Variants in DPF3 observed in about 807,000 individuals in gnomAD.
DPF3 encodes zinc finger protein DPF3.
A neutral mutation model predicts 56.8 loss-of-function variants in DPF3; 18 were observed. That is an observed-to-expected ratio of 0.32 (90% confidence interval 0.22 to 0.47). The LOEUF (loss-of-function observed/expected upper bound fraction) is 0.47. Ranked by LOEUF, DPF3 falls within the 20% of genes least tolerant of loss-of-function variation. The probability of loss-of-function intolerance (pLI) is 1.00; values close to 1 mark genes in which losing one functional copy is unlikely to be tolerated. For synonymous variants in DPF3, 188 were observed against 180.2 expected (o/e 1.04, Z -0.35); for missense variants, 403 against 488.8 (o/e 0.82, Z 1.65).
At chr14:72,807,567 AGTT>A (rs1882838838) in intron 1 of DPF3, among the ~76,000 whole-genome samples, 1 of 152,210 alleles carries the variant, frequency 6.6e-6, no homozygotes, top group East Asian at 1.9e-4. Flanking sequence ...AGCTGGGTAC[AGTT>A]GGCTCACGCC....
intron 1 of DPF3, among the ~76,000 whole-genome samples, chr14:72,792,918 C>A: frequency 8.6e-6 from 1 of 116,832 alleles, no homozygotes; most frequent in Admixed American, 8.6e-5. Context: ...GACCGTTCTT[C>A]AAAATAATAA....
At chr14:72,756,933 G>GAAAGAAAGAAAGAAAGAAAGAAAGAA (rs1567223087) in intron 2 of DPF3, among the ~76,000 whole-genome samples, 3 of 39,252 alleles carry the variant, frequency 7.6e-5, no homozygotes, top group South Asian at 9.5e-4. Context: ...AAAGAAAGAA[G>GAAAGAAAGAAAGAAAGAAAGAAAGAA]AGAAGAGAAG....
intron 1 of DPF3, among the ~76,000 whole-genome samples, chr14:72,824,561 TTTTGTTTG>T (rs1555510675): frequency 6.6e-6 from 1 of 151,384 alleles, no homozygotes; most frequent in African/African-American, 2.4e-5. Flanking sequence ...CTTTTTTTTT[TTTTGTTTG>T]TTTGTTTGTT....
chr14:72,651,641 T>C lies in DPF3; in HGVS notation c.872-21905A>G, dbSNP rs994928267. On this transcript the variant is annotated intron_variant, in intron 8 of 10. Coordinates refer to ENST00000556509, the MANE Select transcript of DPF3 (RefSeq NM_001280542.3). ...AGGTTGTATTCGTTATTTGCAAAGA[T>C]GGAGGTGGAATCTCCTTTGAAGTAG... Among the ~76,000 whole-genome samples the C allele has an allele frequency of 3.9e-5, 6 of 152,216 alleles. 1 individual carries two copies. The highest frequency in any genetic ancestry group is 7.2e-5 in the African/African-American group (3 of 41,460).
intron 1 of DPF3, among the ~76,000 whole-genome samples, chr14:72,876,794 C>A (rs1273212054): frequency 6.6e-6 from 1 of 152,248 alleles, no homozygotes; most frequent in Non-Finnish European, 1.5e-5. Flanking sequence ...GAACTGCTGT[C>A]TGTCTTCCAA....
chr14:72,869,877 CT>C (rs900182533), intron 1 of DPF3, among the ~76,000 whole-genome samples: 16 of 151,890 alleles, frequency 1.1e-4, no homozygotes, highest in South Asian at 6.2e-4. Context: ...TTTGAGCTTG[CT>C]TTTTTTTCCC....
rs145297022 is a variant in DPF3, at chr14:72,647,715, T to C, written c.872-17979A>G. Among the ~76,000 whole-genome samples the C allele has an allele frequency of 1.5e-3, 231 of 152,342 alleles. 1 individual carries two copies. The highest frequency in any genetic ancestry group is 5.1e-3 in the African/African-American group (212 of 41,580). Reference sequence around the variant, plus strand: ...TAGATTGCACCTATTAAATGATGACTGGATTCAACAGCCCTAGAACAAGCA... The same window carrying C: ...TAGATTGCACCTATTAAATGATGACCGGATTCAACAGCCCTAGAACAAGCA... On this transcript the variant is annotated intron_variant, in intron 8 of 10. Transcript: ENST00000556509.
chr14:72,665,697 G>A (rs1411623664), intron 8 of DPF3, among the ~76,000 whole-genome samples: 1 of 152,208 alleles, frequency 6.6e-6, no homozygotes, highest in Non-Finnish European at 1.5e-5. Context: ...CAACCTGTGA[G>A]CCCAGACTGG....
chr14:72,761,814 G>C (rs1376942566), intron 2 of DPF3, among the ~76,000 whole-genome samples: 1 of 151,766 alleles, frequency 6.6e-6, no homozygotes, highest in Non-Finnish European at 1.5e-5. Flanking sequence ...TAAACCTCTA[G>C]TCAGAATGAT....
chr14:72,815,862 C>T (rs1296513330), intron 1 of DPF3, among the ~76,000 whole-genome samples: 1 of 152,170 alleles, frequency 6.6e-6, no homozygotes, highest in Non-Finnish European at 1.5e-5. Flanking sequence ...ACCCATGGCC[C>T]CTTCCTCCAA....
chr14:72,893,434 C>G (rs1886855857), intron 1 of DPF3, among the ~76,000 whole-genome samples: 1 of 152,138 alleles, frequency 6.6e-6, no homozygotes, highest in Non-Finnish European at 1.5e-5. Context: ...CCGGGGCGAC[C>G]ACCTGGGCCC....
At position 72,629,636 on chromosome 14, in the gene DPF3, G is replaced by A; in HGVS notation, c.972C>T (p.Thr324=). 1 of 1,535,886 alleles carries A rather than the reference G, an allele frequency of 6.5e-7. No individual in the cohort carries two copies. Among genetic ancestry groups the A allele is most frequent in the South Asian group, 1.2e-5 (1 of 84,058 alleles). ...IECKSCILCG[T]SENDDQLLFC... is the part of the protein sequence containing the mutation. ...GCCCCAAACTCACATCATTCTCTGA[G>A]GTCCCACAGAGGATACAGGATTTGC... The change falls in exon 9 of 11, where the codon ACC becomes ACT. Residue 324 remains threonine, a synonymous_variant. Coordinates refer to ENST00000556509, the MANE Select transcript of DPF3 (RefSeq NM_001280542.3).
intron 3 of DPF3, among the ~76,000 whole-genome samples, chr14:72,738,393 C>T (rs76352471): frequency 0.059 from 8,963 of 152,154 alleles, 363 homozygotes; most frequent in South Asian, 0.16. Flanking sequence ...CCCCATATGG[C>T]CTCTGCTGCA....
chr14:72,672,398 C>T (rs1471182622), intron 8 of DPF3, among the ~76,000 whole-genome samples: 1 of 152,116 alleles, frequency 6.6e-6, no homozygotes, highest in Non-Finnish European at 1.5e-5. Flanking sequence ...CTGGAAGGAC[C>T]GTAGGGAGGC....
chr14:72,649,467 A>G (rs1304193991), intron 8 of DPF3, among the ~76,000 whole-genome samples: 2 of 152,182 alleles, frequency 1.3e-5, no homozygotes, highest in Non-Finnish European at 2.9e-5. Context: ...GAGAGAAGCA[A>G]CAAAGTGAGA....
chr14:72,647,218 A>G (rs1484583450), intron 8 of DPF3, among the ~76,000 whole-genome samples: 1 of 152,212 alleles, frequency 6.6e-6, no homozygotes, highest in African/African-American at 2.4e-5. Flanking sequence ...GCCAAGGTTT[A>G]CCACTCTTCT....
At chr14:72,775,514 A>AT (rs1891710535) in intron 1 of DPF3, among the ~76,000 whole-genome samples, 1 of 152,246 alleles carries the variant, frequency 6.6e-6, no homozygotes, top group African/African-American at 2.4e-5. Flanking sequence ...GCGAAAATTA[A>AT]TTTCATCTTA....
intron 1 of DPF3, among the ~76,000 whole-genome samples, chr14:72,840,786 A>G (rs965504196): frequency 1.3e-5 from 2 of 152,234 alleles, no homozygotes; most frequent in African/African-American, 2.4e-5. Context: ...ATTCCTTGAC[A>G]GTATGTCCTA....
chr14:72,640,178 G>A (rs2153567748), intron 8 of DPF3, among the ~76,000 whole-genome samples: 1 of 151,894 alleles, frequency 6.6e-6, no homozygotes, highest in South Asian at 2.1e-4. Flanking sequence ...GGGAAAAGAG[G>A]AATTGCAGGA....
Sources: allele counts gnomAD v4.1 joint callset (sites outside exome capture counted in the v4.1 genomes callset), GRCh38; gene constraint gnomAD v4.1.1; transcripts MANE v1.5; gene names NCBI Gene and HGNC (gene_info 2026-07-23, HGNC 2026-07-21).